The following NBPF15 variants were observed in gnomAD, a reference collection of about 807,000 sequenced individuals.
NBPF15 encodes NBPF family member NBPF15.
A neutral mutation model predicts 62.2 loss-of-function variants in NBPF15; 74 were observed. The ratio of observed to expected loss-of-function variants is 1.19; its 90% CI spans 0.99 to 1.44. The LOEUF is 1.44. Among genes scored for constraint, NBPF15 ranks in the 40% most tolerant of loss-of-function variants. NBPF15 has a pLI of 0.00. For synonymous variants in NBPF15, 244 were observed against 209.7 expected, an observed-to-expected ratio of 1.16 and a Z score of -1.41; for missense variants, 790 against 550.0, an observed-to-expected ratio of 1.44 and a Z score of -4.36.
chr1:144,455,697 C>A lies in NBPF15; in HGVS notation c.-432+840G>T, dbSNP rs587609668. Among the ~76,000 whole-genome samples, 165 of 152,092 alleles carry A rather than the reference C, an allele frequency of 1.1e-3. 3 individuals carry two copies. The highest frequency in any genetic ancestry group is 1.5e-3 in the Non-Finnish European group (104 of 67,958). Reference sequence around the variant, plus strand: ...CACTGGACTTCCCTCCTTGCACTGGCTCCCACTCCCCCAGGACCTGGTGGA... The same window carrying A: ...CACTGGACTTCCCTCCTTGCACTGGATCCCACTCCCCCAGGACCTGGTGGA... On this transcript the variant is annotated intron_variant, in intron 4 of 21. Transcript: ENST00000581897.
intron 13 of NBPF15, among the ~76,000 whole-genome samples, chr1:144,432,677 GA>G (rs1175395610): frequency 1.5e-4 from 23 of 152,062 alleles, no homozygotes; most frequent in African/African-American, 4.3e-4. Flanking sequence ...TGATAAAACA[GA>G]CTTTAAACCA....
chr1:144,428,227 G>T (rs75500227), intron 15 of NBPF15, among the ~76,000 whole-genome samples: 60 of 151,104 alleles, frequency 4.0e-4, no homozygotes, highest in African/African-American at 1.4e-3. Context: ...CGAGCTCAGT[G>T]AATTGGTCAG....
chr1:144,455,655 CGTCCATTT>C (rs1377857902), intron 4 of NBPF15, among the ~76,000 whole-genome samples: 2 of 152,006 alleles, frequency 1.3e-5, no homozygotes, highest in African/African-American at 4.8e-5. Context: ...GGTCTGACAT[CGTCCATTT>C]GTCATTCTCA....
rs74467370 is a variant in NBPF15, at chr1:144,422,937, G to A, written c.*76C>T. 6.2e-7 allele frequency: 1 copy of A among 1,611,408 alleles called. No individual in the cohort carries two copies. Among genetic ancestry groups the A allele is most frequent in the African/African-American group, 1.3e-5 (1 of 74,882 alleles). ...TATGTCTGGGCTTCCAAATGGAACT[G>A]TACTTTCATTCAAATCTTCTCGTGC... On this transcript the variant is annotated 3_prime_UTR_variant, in exon 22 of 22. Coordinates refer to ENST00000581897, the MANE Select transcript of NBPF15 (RefSeq NM_001385408.1).
Position 144,422,684 on chromosome 1 carries a change from G to T in NBPF15, c.*329C>A, listed in dbSNP as rs1333326641. The T allele has an allele frequency of 3.1e-5, 15 of 486,550 alleles. No individual in the cohort carries two copies. The highest frequency in any genetic ancestry group is 5.2e-5 in the Non-Finnish European group (14 of 270,694). The allele number at this position is 486,550 out of a possible 1,614,324, so 30.1% of individuals were successfully genotyped here. On this transcript the variant is annotated 3_prime_UTR_variant, in exon 22 of 22. Coordinates refer to ENST00000581897, the MANE Select transcript of NBPF15 (RefSeq NM_001385408.1). ...CAAAGATGACAATGACCTTGAGCAG[G>T]TATAGAAGCTCAGAGACATGCCTGC...
intron 17 of NBPF15, 135 bp downstream of exon 17, chr1:144,426,912 A>C (rs1670151756): frequency 1.7e-6 from 1 of 577,378 alleles, no homozygotes; most frequent in Non-Finnish European, 3.1e-6. Flanking sequence ...ACTGCAATGA[A>C]AACCAACAGC....
At chr1:144,457,632 G>A (rs371680592) in intron 3 of NBPF15, among the ~76,000 whole-genome samples, 1 of 151,922 alleles carries the variant, frequency 6.6e-6, no homozygotes, top group Non-Finnish European at 1.5e-5. Flanking sequence ...TGAGAATACA[G>A]TGGTGAATAA....
chr1:144,432,223 A>G (rs1179333197), intron 13 of NBPF15, among the ~76,000 whole-genome samples: 1 of 151,970 alleles, frequency 6.6e-6, no homozygotes, highest in Admixed American at 6.6e-5. Context: ...TTCATAAGTG[A>G]AGGAGAAATA....
chr1:144,455,490 T>C (rs1329318757), intron 4 of NBPF15, among the ~76,000 whole-genome samples: 1 of 152,020 alleles, frequency 6.6e-6, no homozygotes, highest in Non-Finnish European at 1.5e-5. Flanking sequence ...TGGCCCACTG[T>C]TGCCAGAGAC....
chr1:144,440,371 C>G, intron 6 of NBPF15, 76 bp from the exon 7 acceptor site: 1 of 851,294 alleles, frequency 1.2e-6, no homozygotes, highest in Non-Finnish European at 1.8e-6. Context: ...ATTGCCCAGG[C>G]TTTGCTGAAA....
intron 6 of NBPF15, among the ~76,000 whole-genome samples, chr1:144,446,143 G>C (rs587627514): frequency 6.6e-6 from 1 of 151,772 alleles, no homozygotes; most frequent in East Asian, 1.9e-4. Context: ...GTGAGCCACG[G>C]TGCCCAGTCT....
Position 144,422,117 on chromosome 1 carries a change from C to CT in NBPF15, c.*895dup, listed in dbSNP as rs1206888012. The CT allele has an allele frequency of 2.9e-5, 4 of 137,328 alleles. No individual in the cohort carries two copies. The highest frequency in any genetic ancestry group is 2.8e-5 in the African/African-American group (1 of 35,138). 8.5% of individuals were successfully genotyped at this position (137,328 alleles called of 1,614,324 possible). A position where few individuals can be genotyped will look rare whatever the true frequency, so the allele number is the denominator to read the frequency against. Reference sequence around the variant, plus strand: ...GAAATGCAGCTACATTATCTTTTTACTTTTTTTGAACCCAAAATATCTCTT... The same window carrying CT: ...GAAATGCAGCTACATTATCTTTTTACTTTTTTTTGAACCCAAAATATCTCTT... On this transcript the variant is annotated 3_prime_UTR_variant, in exon 22 of 22. Coordinates refer to ENST00000581897, the MANE Select transcript of NBPF15 (RefSeq NM_001385408.1).
At chr1:144,449,264 C>T (rs1272366521) in intron 5 of NBPF15, among the ~76,000 whole-genome samples, 2 of 151,440 alleles carry the variant, frequency 1.3e-5, no homozygotes, top group East Asian at 3.9e-4. Flanking sequence ...ATAGTATAAA[C>T]ACTTTGGGAA....
chr1:144,444,846 A>T (rs1253632333), intron 6 of NBPF15, among the ~76,000 whole-genome samples: 19 of 151,980 alleles, frequency 1.3e-4, no homozygotes, highest in Non-Finnish European at 5.9e-5. Context: ...TTGGTCTGGA[A>T]ACACACATAC....
chr1:144,442,806 C>T (rs2102356275), intron 6 of NBPF15: 2 of 210,458 alleles, frequency 9.5e-6, no homozygotes, highest in Middle Eastern at 6.1e-4. Flanking sequence ...ATACTGTGGT[C>T]CTGGACTCAC....
At chr1:144,440,588 G>A (rs1241280394) in intron 6 of NBPF15, 1 of 216,838 alleles carries the variant, frequency 4.6e-6, no homozygotes, top group Non-Finnish European at 9.0e-6. Context: ...TTTTCTTAAT[G>A]GTAGTCATGA....
intron 8 of NBPF15, among the ~76,000 whole-genome samples, chr1:144,439,089 T>C (rs1680919981): frequency 2.0e-5 from 3 of 151,842 alleles, no homozygotes; most frequent in Admixed American, 6.6e-5. Flanking sequence ...GTTCAAAGGA[T>C]TCTCCTGCCT....
In NBPF15 at chr1:144,423,012, C is replaced by G; in HGVS notation, c.*1G>C. 1 of 1,611,622 alleles carries G rather than the reference C, an allele frequency of 6.2e-7. No homozygotes were observed. Among genetic ancestry groups the G allele is most frequent in the African/African-American group, 1.3e-5 (1 of 74,920 alleles). On this transcript the variant is annotated 3_prime_UTR_variant, in exon 22 of 22. Transcript: ENST00000581897. ...ACATCTCTCGGCTTAGTAAGAGCTG[C>G]TTATTGTGGGAATATGACTCCCATC...
chr1:144,441,095 T>C (rs1426244849), intron 6 of NBPF15, among the ~76,000 whole-genome samples: 9 of 152,052 alleles, frequency 5.9e-5, no homozygotes, highest in Middle Eastern at 3.4e-3. Context: ...TTGATATCCA[T>C]TTTTCTGATG....
Sources: allele counts gnomAD v4.1 joint callset (sites outside exome capture counted in the v4.1 genomes callset), GRCh38; gene constraint gnomAD v4.1.1; transcripts MANE v1.5; gene names NCBI Gene and HGNC (gene_info 2026-07-23, HGNC 2026-07-21).